ARHGAP44: variants seen among roughly 807,000 people sequenced by gnomAD.
ARHGAP44 encodes Rho GTPase activating protein 44.
ARHGAP44 carries 43 observed loss-of-function variants against 106.8 expected under a neutral mutation model. That is an observed-to-expected ratio of 0.40 (90% CI 0.32 to 0.52). The LOEUF (loss-of-function observed/expected upper bound fraction) is 0.52, where lower values mean the gene tolerates loss of function less well. ARHGAP44 is among the 20% of genes least tolerant of loss of function. The pLI is 0.48. For synonymous variants in ARHGAP44, 439 were observed against 410.3 expected (o/e 1.07, Z -0.85); for missense variants, 866 against 1,050.5 (o/e 0.82, Z 2.43).
chr17:12,984,696 C>T lies in ARHGAP44; in HGVS notation c.2105C>T (p.Ser702Leu), dbSNP rs768572384. Residue 702 changes from serine to leucine, a missense_variant, in exon 20 of 21, where the codon TCG becomes TTG. This residue lies in a region of ARHGAP44 where 418 missense variants were observed against 403.6 expected (regional missense o/e 1.04). Transcript: ENST00000379672. ...LSYPQGYSLA[S>L]GQLSPAAAPP... ...TACCCTCAGGGGTACTCCTTGGCCT[C>T]GGGCCAGCTCTCCCCAGCTGCAGCT... 1.3e-5 allele frequency: 21 copies of T among 1,613,476 alleles called. No homozygotes were observed. The highest frequency in any genetic ancestry group is 4.4e-5 in the South Asian group (4 of 91,060).
At chr17:12,880,369 T>C (rs1179299405) in intron 1 of ARHGAP44, among the ~76,000 whole-genome samples, 3 of 152,166 alleles carry the variant, frequency 2.0e-5, no homozygotes, top group South Asian at 2.1e-4. Flanking sequence ...TAACCATCAT[T>C]AAAAATTTTG....
At chr17:12,955,609 AAAG>A (rs1308088470) in intron 13 of ARHGAP44, among the ~76,000 whole-genome samples, 2 of 152,172 alleles carry the variant, frequency 1.3e-5, no homozygotes, top group African/African-American at 4.8e-5. Context: ...AGTCAGAAGG[AAAG>A]AAGGAGACTT....
intron 3 of ARHGAP44, among the ~76,000 whole-genome samples, chr17:12,903,319 T>C (rs558349384): frequency 1.3e-5 from 2 of 152,274 alleles, no homozygotes; most frequent in East Asian, 3.9e-4. Flanking sequence ...ATCGAAACTC[T>C]GGGACAGTCT....
rs2039185088 is a variant in ARHGAP44, at chr17:12,958,644, C to T, written c.1343-73C>T. On this transcript the variant is annotated intron_variant, in intron 15 of 20. Transcript: ENST00000379672. This position sits in a 1 kb window ranked among gnomAD's most constrained non-coding sequence, Gnocchi z 4.1. ...ACATACGAGGGAGTGGGTGTCTGGACTCATTCCTCCCCTGCCCAGGAAGGG... is the reference window on the plus strand; with the variant it reads ...ACATACGAGGGAGTGGGTGTCTGGATTCATTCCTCCCCTGCCCAGGAAGGG... 1 of 1,453,620 alleles carries T rather than the reference C, an allele frequency of 6.9e-7. No homozygotes were observed. The highest frequency in any genetic ancestry group is 9.5e-7 in the Non-Finnish European group (1 of 1,052,648). 90.0% of individuals were successfully genotyped at this position (1,453,620 alleles called of 1,614,324 possible).
intron 1 of ARHGAP44, among the ~76,000 whole-genome samples, chr17:12,833,274 A>AGCAC (rs2035140416): frequency 2.6e-5 from 4 of 152,130 alleles, no homozygotes; most frequent in Non-Finnish European, 5.9e-5. Flanking sequence ...AGCACTGCAT[A>AGCAC]TGTGTTTCAT....
intron 6 of ARHGAP44, among the ~76,000 whole-genome samples, chr17:12,926,974 C>T (rs1195349048): frequency 6.6e-6 from 1 of 152,058 alleles, no homozygotes; most frequent in East Asian, 1.9e-4. Flanking sequence ...CACTTTAATA[C>T]TTTATTTGAA....
chr17:12,884,193 T>C (rs929369582), intron 1 of ARHGAP44, among the ~76,000 whole-genome samples: 1 of 152,208 alleles, frequency 6.6e-6, no homozygotes. Context: ...TTTTTGTATC[T>C]GAGCTGAGCA....
chr17:12,974,238 C>T lies in ARHGAP44; in HGVS notation c.1691C>T (p.Pro564Leu). 6.5e-7 allele frequency: 1 copy of T among 1,536,856 alleles called. No individual in the cohort carries two copies. The highest frequency in any genetic ancestry group is 8.8e-7 in the Non-Finnish European group (1 of 1,141,806). ...APLPSPLPEQ[P>L]LDSPAAPALS... ...CTGCCTTCGCCGCTGCCGGAGCAGC[C>T]CCTGGACAGCCCCGCGGCCCCCGCG... Residue 564 changes from proline (P) to leucine (L), a missense_variant, in exon 18 of 21, where the codon CCC (proline) becomes CTC (leucine). By Grantham distance (98) the Pro-to-Leu change is moderately conservative (BLOSUM62 -3). This residue lies in a region of ARHGAP44 where 418 missense variants were observed against 403.6 expected (regional missense o/e 1.04). Coordinates refer to ENST00000379672, the MANE Select transcript of ARHGAP44 (RefSeq NM_014859.6).
chr17:12,890,819 A>G (rs2037023178), intron 1 of ARHGAP44, among the ~76,000 whole-genome samples: 1 of 152,168 alleles, frequency 6.6e-6, no homozygotes, highest in South Asian at 2.1e-4. Context: ...ATCTTACTGT[A>G]TGCAGTTAAA....
intron 10 of ARHGAP44, among the ~76,000 whole-genome samples, 154 bp from the exon 11 acceptor site, chr17:12,948,986 C>T (rs890902521): frequency 6.6e-6 from 1 of 152,098 alleles, no homozygotes; most frequent in Admixed American, 6.5e-5. Flanking sequence ...AAGAGGGAGA[C>T]ATTGAGAAAG....
In ARHGAP44 at chr17:12,980,249, C is replaced by T. The variant is rs575034186; in HGVS notation, c.1939+16C>T. 3.8e-6 allele frequency: 6 copies of T among 1,595,366 alleles called. No individual in the cohort carries two copies. The East Asian group carries it at 1.1e-4, about 30-fold the overall frequency. Reference sequence around the variant, plus strand: ...CTCCGGAAAGGTATGGCCCTGCTTCCCTTCTCCTTGGTCTCAGGCCGGAGG... The same window carrying T: ...CTCCGGAAAGGTATGGCCCTGCTTCTCTTCTCCTTGGTCTCAGGCCGGAGG... On this transcript the variant is annotated intron_variant, in intron 19 of 20. Coordinates refer to ENST00000379672, the MANE Select transcript of ARHGAP44 (RefSeq NM_014859.6).
intron 1 of ARHGAP44, among the ~76,000 whole-genome samples, chr17:12,841,630 ACACACAC>A (rs771856162): frequency 0.094 from 13,006 of 138,630 alleles, 706 homozygotes; most frequent in Middle Eastern, 0.17. Flanking sequence ...ACACACACAC[ACACACAC>A]ACAAACAAAC....
intron 1 of ARHGAP44, 97 bp downstream of exon 1, chr17:12,789,988 T>G: frequency 8.3e-7 from 1 of 1,199,830 alleles, no homozygotes. Context: ...CCAGTCCTCC[T>G]TGCCTCAGTC....
intron 1 of ARHGAP44, among the ~76,000 whole-genome samples, chr17:12,871,124 A>G (rs963929535): frequency 1.3e-5 from 2 of 152,228 alleles, no homozygotes; most frequent in African/African-American, 4.8e-5. Context: ...TCAAAAGTCA[A>G]TTAAGTGCTT....
intron 15 of ARHGAP44, among the ~76,000 whole-genome samples, chr17:12,957,456 A>C (rs1477222415): frequency 6.6e-6 from 1 of 152,190 alleles, no homozygotes; most frequent in Non-Finnish European, 1.5e-5. Flanking sequence ...CAGGTTCCTG[A>C]GATGGATGGG....
chr17:12,974,852 ATTTT>A (rs34105454), intron 18 of ARHGAP44, among the ~76,000 whole-genome samples: 1 of 144,996 alleles, frequency 6.9e-6, no homozygotes, highest in African/African-American at 2.6e-5. Context: ...GTGTCTCTCA[ATTTT>A]TTTTTTTTTT....
chr17:12,905,068 A>ATT (rs11410681), intron 3 of ARHGAP44, among the ~76,000 whole-genome samples: 9,101 of 137,028 alleles, frequency 0.066, 366 homozygotes, highest in South Asian at 0.19. Flanking sequence ...CACTTGGCTA[A>ATT]TTTTTTTTTT....
intron 1 of ARHGAP44, among the ~76,000 whole-genome samples, chr17:12,834,697 A>G (rs2035185563): frequency 6.6e-6 from 1 of 152,190 alleles, no homozygotes; most frequent in South Asian, 2.1e-4. Context: ...CCCTTCCCCC[A>G]TGAAGTTTAT....
intron 1 of ARHGAP44, among the ~76,000 whole-genome samples, chr17:12,811,375 G>T (rs1396660085): frequency 6.6e-6 from 1 of 152,024 alleles, no homozygotes; most frequent in East Asian, 1.9e-4. Context: ...AGTGGAAGTG[G>T]ATCATCGTTA....
Sources: allele counts gnomAD v4.1 joint callset (sites outside exome capture counted in the v4.1 genomes callset), GRCh38; gene constraint gnomAD v4.1.1; regional missense constraint gnomAD v4.1.1; non-coding constraint Gnocchi (gnomAD v3.1); transcripts MANE v1.5; gene names NCBI Gene and HGNC (gene_info 2026-07-23, HGNC 2026-07-21).